RNF214: variants seen among roughly 807,000 people sequenced by gnomAD.
RNF214 encodes ring finger protein 214.
Under a neutral mutation model 75.9 loss-of-function variants are expected in RNF214, and 25 were observed. The observed-to-expected ratio is 0.33, with a 90% CI of 0.24 to 0.46. RNF214 has a LOEUF of 0.46. Among genes scored for constraint, RNF214 ranks in the 20% least tolerant of loss-of-function variants. The pLI, the probability that RNF214 is intolerant of heterozygous loss-of-function variation, is 1.00. For synonymous variants in RNF214, 314 were observed against 308.8 expected (o/e 1.02, Z -0.18); for missense variants, 725 against 857.5 (o/e 0.85, Z 1.93).
intron 6 of RNF214, among the ~76,000 whole-genome samples, chr11:117,260,884 C>G (rs953865594): frequency 6.7e-6 from 1 of 148,618 alleles, no homozygotes; most frequent in Admixed American, 6.7e-5. Context: ...GAACTCCCGA[C>G]CTCAGATGAT....
At chr11:117,245,822 A>AC (rs1476599214) in intron 5 of RNF214, among the ~76,000 whole-genome samples, 2 of 152,058 alleles carry the variant, frequency 1.3e-5, no homozygotes, top group East Asian at 3.8e-4. Flanking sequence ...AACAACAACA[A>AC]AGAAATGCAT....
At chr11:117,251,530 ACCCCCCCACCTCCCTCCCGGACGGGGC>A (rs1565335243) in intron 6 of RNF214, among the ~76,000 whole-genome samples, 8 of 63,260 alleles carry the variant, frequency 1.3e-4, no homozygotes, top group Non-Finnish European at 2.2e-4. Flanking sequence ...CGGGGGGCTG[ACCCCCCCACCTCCCTCCCGGACGGGGC>A]GGCTGGCCGG....
At position 117,285,142 on chromosome 11, in the gene RNF214, T is replaced by C. The variant is rs2034226999; in HGVS notation, c.2103T>C (p.Thr701=). 6.2e-7 allele frequency: 1 copy of C among 1,610,302 alleles called. No individual in the cohort carries two copies. Among genetic ancestry groups the C allele is most frequent in the Admixed American group, 1.7e-5 (1 of 59,974 alleles). Residue 701 remains threonine (T), a synonymous_variant, in exon 15 of 15, where the codon ACT becomes ACC. Coordinates refer to ENST00000300650, the MANE Select transcript of RNF214 (RefSeq NM_207343.4). ...ATGACACTTGTCCCTTTTGTCCAAC[T>C]CTTAAATGACGGACCTGACTGGGGA... ...NTNDTCPFCP[T]LK
chr11:117,284,802 C>T (rs953174026), intron 14 of RNF214, among the ~76,000 whole-genome samples: 2 of 152,056 alleles, frequency 1.3e-5, no homozygotes, highest in African/African-American at 4.8e-5. Flanking sequence ...CGGTGGTGAA[C>T]GCCTGTAATC....
At chr11:117,267,687 C>G (rs551826) in intron 6 of RNF214, among the ~76,000 whole-genome samples, 53,717 of 151,760 alleles carry the variant, frequency 0.35, 10,030 homozygotes, top group East Asian at 0.65. Flanking sequence ...TGAAATTGCA[C>G]CACTGCATTC....
In RNF214 at chr11:117,239,030, TG is replaced by T; in HGVS notation, c.541del (p.Val181LeufsTer17). On this transcript the variant is annotated frameshift_variant, in exon 3 of 15. Transcript: ENST00000300650. LOFTEE classifies it high-confidence loss of function. Reference protein sequence around the residue: ...DFRPVVSPANGVEGVRVDQDD... With the variant: ...DFRPVVSPANXVEGVRVDQDD... The stretch of plus-strand genomic sequence containing the variant: ...TCCGACCTGTAGTGTCTCCAGCAAA[TG>T]GGGTTGAAGGAGTCCGAGTGGATCA... 1 of 1,613,930 alleles carries T rather than the reference TG, an allele frequency of 6.2e-7. No individual in the cohort carries two copies. Among genetic ancestry groups the T allele is most frequent in the Non-Finnish European group, 8.5e-7 (1 of 1,179,972 alleles).
At chr11:117,275,970 T>C (rs1027516263) in intron 6 of RNF214, among the ~76,000 whole-genome samples, 2 of 152,090 alleles carry the variant, frequency 1.3e-5, no homozygotes, top group African/African-American at 2.4e-5. Flanking sequence ...CTGATGAACA[T>C]AGATGCAAAA....
Position 117,235,535 on chromosome 11 carries a change from G to T in RNF214, c.107+1156G>T, listed in dbSNP as rs574158692. Among the ~76,000 whole-genome samples the T allele has an allele frequency of 1.9e-4, 23 of 122,748 alleles. 2 individuals carry two copies. The highest frequency in any genetic ancestry group is 7.4e-4 in the African/African-American group (23 of 31,132). 80.5% of individuals were successfully genotyped at this position (122,748 alleles called of 152,430 possible). On this transcript the variant is annotated intron_variant, in intron 2 of 14. Coordinates refer to ENST00000300650, the MANE Select transcript of RNF214 (RefSeq NM_207343.4). ...TTTTTTTGAGATGGAGTCTCGCTCT[G>T]TCGCCCAGACTGGAGTGCAATGGCG...
intron 2 of RNF214, among the ~76,000 whole-genome samples, chr11:117,236,401 G>A (rs1591815471): frequency 6.6e-6 from 1 of 152,228 alleles, no homozygotes; most frequent in Non-Finnish European, 1.5e-5. Context: ...AGCCTCCTGA[G>A]TAGCTGGGAC....
chr11:117,271,277 C>G (rs1382888193), intron 6 of RNF214, among the ~76,000 whole-genome samples: 1 of 152,196 alleles, frequency 6.6e-6, no homozygotes, highest in Non-Finnish European at 1.5e-5. Context: ...ACAGCTCCTA[C>G]TCTTTGTATT....
At chr11:117,248,680 A>G (rs991051961) in intron 6 of RNF214, among the ~76,000 whole-genome samples, 2 of 152,178 alleles carry the variant, frequency 1.3e-5, no homozygotes, top group African/African-American at 4.8e-5. Flanking sequence ...GTCTATAATG[A>G]TAATTTTCCA....
At chr11:117,264,833 G>T (rs1157184515) in intron 6 of RNF214, among the ~76,000 whole-genome samples, 1 of 151,996 alleles carries the variant, frequency 6.6e-6, no homozygotes, top group Admixed American at 6.6e-5. Context: ...GGAAGCCAAG[G>T]TGGGCGGATC....
chr11:117,273,585 G>GTTTT (rs1373606278), intron 6 of RNF214, among the ~76,000 whole-genome samples: 4 of 152,176 alleles, frequency 2.6e-5, no homozygotes, highest in Non-Finnish European at 5.9e-5. Flanking sequence ...CCACTGTGCA[G>GTTTT]TAGTAGATCA....
chr11:117,256,183 C>A (rs1349103391), intron 6 of RNF214, among the ~76,000 whole-genome samples: 1 of 152,206 alleles, frequency 6.6e-6, no homozygotes, highest in African/African-American at 2.4e-5. Flanking sequence ...CCTCTTCACT[C>A]ACCTAGCATG....
intron 6 of RNF214, among the ~76,000 whole-genome samples, chr11:117,251,088 A>G (rs1294558418): frequency 6.7e-6 from 1 of 149,900 alleles, no homozygotes; most frequent in Non-Finnish European, 1.5e-5. Flanking sequence ...ATTCCACAAA[A>G]CCGCCATTGT....
At chr11:117,245,163 C>A (rs1291896310) in intron 5 of RNF214, among the ~76,000 whole-genome samples, 1 of 148,118 alleles carries the variant, frequency 6.8e-6, no homozygotes, top group Non-Finnish European at 1.5e-5. Flanking sequence ...ACCAAAAATA[C>A]AAAAAATGAG....
intron 6 of RNF214, among the ~76,000 whole-genome samples, chr11:117,258,715 A>C (rs912802052): frequency 4.6e-5 from 7 of 152,120 alleles, no homozygotes; most frequent in Admixed American, 2.6e-4. Context: ...AAGATATATA[A>C]AATACATTAC....
intron 13 of RNF214, 104 bp from the exon 14 acceptor site, chr11:117,283,011 G>A: frequency 9.7e-7 from 1 of 1,036,208 alleles, no homozygotes; most frequent in Non-Finnish European, 1.4e-6. Flanking sequence ...TTGGATTTTT[G>A]TTTCTTTTGA....
At chr11:117,279,312 G>A (rs1440533190) in intron 6 of RNF214, among the ~76,000 whole-genome samples, 1 of 150,914 alleles carries the variant, frequency 6.6e-6, no homozygotes, top group Non-Finnish European at 1.5e-5. Flanking sequence ...TTTAGCAAGT[G>A]GAGATACAAA....
Sources: gnomAD v4.1 joint callset for allele counts (sites outside exome capture counted in the v4.1 genomes callset) on GRCh38, gnomAD v4.1.1 for gene constraint, MANE v1.5 for transcripts, NCBI Gene and HGNC (gene_info 2026-07-23, HGNC 2026-07-21) for gene names.